Variants in LPA observed in about 807,000 individuals in gnomAD.
LPA encodes lipoprotein(a), also known as apolipoprotein(a).
In LPA, 199 loss-of-function variants were observed where a neutral mutation model predicts 197.9. The observed-to-expected ratio is 1.01, with a 90% CI of 0.90 to 1.13. The LOEUF is 1.13. LPA is among the 50% of genes most tolerant of loss of function. The pLI, the probability that LPA is intolerant of heterozygous loss-of-function variation, is 0.00. For missense variants in LPA, 1,853 were observed against 1,785.8 expected (o/e 1.04, Z -0.68); for synonymous variants, 715 against 639.5 (o/e 1.12, Z -1.78).
At chr6:160,555,196 G>A (rs2115009835) in intron 30 of LPA, among the ~76,000 whole-genome samples, 1 of 148,874 alleles carries the variant, frequency 6.7e-6, no homozygotes, top group African/African-American at 2.5e-5. Flanking sequence ...TCAGAAAACT[G>A]GAGCTTAGAA....
At chr6:160,537,678 G>A (rs1777915134) in intron 37 of LPA, among the ~76,000 whole-genome samples, 177 bp downstream of exon 37, 2 of 152,208 alleles carry the variant, frequency 1.3e-5, no homozygotes, top group African/African-American at 2.4e-5. Context: ...CGCTCCCCTT[G>A]CCCAAGTCCC....
intron 26 of LPA, among the ~76,000 whole-genome samples, chr6:160,580,705 A>G (rs937741695): frequency 2.0e-5 from 3 of 152,292 alleles, no homozygotes; most frequent in Non-Finnish European, 4.4e-5. Flanking sequence ...CTCTGTGTGC[A>G]TCTTCTCCTA....
rs550801124 is a variant in LPA, at chr6:160,606,327, G to A, written c.2785+150C>T. The A allele has an allele frequency of 1.6e-5, 19 of 1,204,994 alleles. 1 individual carries two copies. The South Asian group carries it at 2.2e-4, about 14-fold the overall frequency. 74.6% of individuals were successfully genotyped at this position (1,204,994 alleles called of 1,614,324 possible). On this transcript the variant is annotated intron_variant, in intron 17 of 38. Transcript: ENST00000316300. ...AGAAATCAATCCGCTGGCTCCCCCA[G>A]AGAGTGCACGGAGGCTTCCTCCTAC...
chr6:160,596,699 T>C (rs1195708757), intron 20 of LPA, among the ~76,000 whole-genome samples: 1 of 152,212 alleles, frequency 6.6e-6, no homozygotes, highest in Non-Finnish European at 1.5e-5. Context: ...AGCAAAGTCC[T>C]TTAACCTCAT....
At chr6:160,589,448 G>A (rs1408001582) in intron 24 of LPA, 105 bp downstream of exon 24, 10 of 1,328,690 alleles carry the variant, frequency 7.5e-6, no homozygotes, top group African/African-American at 1.5e-5. Flanking sequence ...CAACATTCTG[G>A]GTCTGAGAGA....
intron 28 of LPA, among the ~76,000 whole-genome samples, chr6:160,569,726 C>A (rs1337776990): frequency 1.3e-5 from 2 of 152,166 alleles, no homozygotes; most frequent in African/African-American, 4.8e-5. Flanking sequence ...TTTTTACAAT[C>A]TACCCATCTG....
rs184828435 is a variant in LPA, at chr6:160,536,643, C to T, written c.5842+1212G>A. On this transcript the variant is annotated intron_variant, in intron 37 of 38. Transcript: ENST00000316300. ...AATAGGAACAATAATACCTAACTCA[C>T]AGTGGTTTGTAGCATTTAAATTTTA... 1.0e-3 allele frequency among the ~76,000 whole-genome samples: 153 copies of T among 152,296 alleles called. 1 individual carries two copies. Among genetic ancestry groups the T allele is most frequent in the African/African-American group, 3.4e-3 (141 of 41,564 alleles).
chr6:160,544,817 A>T (rs1778038759), intron 33 of LPA, among the ~76,000 whole-genome samples: 1 of 152,148 alleles, frequency 6.6e-6, no homozygotes, highest in Non-Finnish European at 1.5e-5. Flanking sequence ...ATCTAATGTC[A>T]ATTCCCCTTC....
intron 28 of LPA, among the ~76,000 whole-genome samples, chr6:160,561,144 C>G (rs749016013): frequency 6.6e-6 from 1 of 152,128 alleles, no homozygotes; most frequent in South Asian, 2.1e-4. Context: ...CTCCTGACCT[C>G]GTGATCCATC....
intron 2 of LPA, among the ~76,000 whole-genome samples, chr6:160,647,601 T>G (rs1779921504): frequency 6.6e-6 from 1 of 152,204 alleles, no homozygotes; most frequent in Admixed American, 6.5e-5. Flanking sequence ...AATATTGTTA[T>G]TATACAACAA....
At chr6:160,654,975 G>C (rs1036871699) in intron 1 of LPA, among the ~76,000 whole-genome samples, 2 of 152,150 alleles carry the variant, frequency 1.3e-5, no homozygotes, top group African/African-American at 4.8e-5. Flanking sequence ...AGGGAAGGCA[G>C]GGTGGCATGA....
intron 22 of LPA, among the ~76,000 whole-genome samples, chr6:160,593,005 G>A (rs1376370291): frequency 1.3e-5 from 2 of 152,108 alleles, no homozygotes; most frequent in African/African-American, 4.8e-5. Context: ...AACTCTCCTT[G>A]TGCATACGCA....
Position 160,531,489 on chromosome 6 carries a change from C to A in LPA, c.*240G>T. The A allele has an allele frequency of 3.8e-6, 2 of 532,922 alleles. No individual in the cohort carries two copies. The highest frequency in any genetic ancestry group is 2.2e-5 in the South Asian group (1 of 45,484). 33.0% of individuals were successfully genotyped at this position (532,922 alleles called of 1,614,324 possible). On this transcript the variant is annotated 3_prime_UTR_variant, in exon 39 of 39. Transcript: ENST00000316300. ...GACCAAAACCAAAATTAATTCAAAT[C>A]AAAATAAGTGCAGAGTTTATTTTTA...
chr6:160,586,344 C>T (rs1778909297), intron 25 of LPA, 105 bp downstream of exon 25: 1 of 1,368,004 alleles, frequency 7.3e-7, no homozygotes, highest in Admixed American at 1.8e-5. Flanking sequence ...ATGACTTCAC[C>T]TTCGACTTCC....
intron 28 of LPA, among the ~76,000 whole-genome samples, chr6:160,572,798 T>C (rs1463470767): frequency 2.6e-5 from 4 of 152,238 alleles, no homozygotes; most frequent in Admixed American, 6.5e-5. Context: ...AGGGTTTCCT[T>C]TATACATTAC....
intron 30 of LPA, among the ~76,000 whole-genome samples, chr6:160,553,417 C>T (rs1451895827): frequency 6.6e-6 from 1 of 152,074 alleles, no homozygotes; most frequent in Non-Finnish European, 1.5e-5. Flanking sequence ...CTGGAGGTGG[C>T]AGAATACGTA....
chr6:160,647,119 C>T (rs919085278), intron 2 of LPA, among the ~76,000 whole-genome samples: 1 of 152,212 alleles, frequency 6.6e-6, no homozygotes, highest in African/African-American at 2.4e-5. Context: ...GACCTTCTCT[C>T]CTGCTCTCAG....
At chr6:160,656,331 T>G (rs533266662) in intron 1 of LPA, among the ~76,000 whole-genome samples, 3 of 152,350 alleles carry the variant, frequency 2.0e-5, no homozygotes, top group Admixed American at 2.0e-4. Flanking sequence ...CCCACCATAA[T>G]AGCCCTCATC....
intron 21 of LPA, among the ~76,000 whole-genome samples, chr6:160,594,330 A>C (rs914308887): frequency 6.6e-6 from 1 of 152,214 alleles, no homozygotes; most frequent in African/African-American, 2.4e-5. Flanking sequence ...CCTTTAAAAC[A>C]CAGGCACCAA....
Sources: allele counts gnomAD v4.1 joint callset (sites outside exome capture counted in the v4.1 genomes callset), GRCh38; gene constraint gnomAD v4.1.1; transcripts MANE v1.5; gene names NCBI Gene and HGNC (gene_info 2026-07-23, HGNC 2026-07-21).